The following ABCB10 variants were observed in gnomAD, a reference collection of about 807,000 sequenced individuals.
ABCB10 encodes ATP-binding cassette sub-family B member 10, mitochondrial.
Under a neutral mutation model 65.4 loss-of-function variants are expected in ABCB10, and 54 were observed. That is an observed-to-expected ratio of 0.83 (90% CI 0.66 to 1.04). ABCB10 has a LOEUF of 1.04. Ranked by LOEUF, ABCB10 falls within the 50% of genes least tolerant of loss-of-function variation. ABCB10 has a pLI of 0.00. For synonymous variants in ABCB10, 418 were observed against 406.5 expected, an observed-to-expected ratio of 1.03 and a Z score of -0.34; for missense variants, 846 against 976.6, an observed-to-expected ratio of 0.87 and a Z score of 1.78.
intron 8 of ABCB10, among the ~76,000 whole-genome samples, chr1:229,528,925 T>C (rs1056411477): frequency 1.3e-5 from 2 of 152,170 alleles, no homozygotes; most frequent in Non-Finnish European, 2.9e-5. Flanking sequence ...TAAAATCATG[T>C]GCTCTTTGCT....
intron 11 of ABCB10, among the ~76,000 whole-genome samples, chr1:229,520,251 C>T (rs1350552716): frequency 1.3e-5 from 2 of 152,052 alleles, no homozygotes; most frequent in Admixed American, 6.6e-5. Context: ...GGGTGGATCA[C>T]TTGAGGTCAG....
intron 10 of ABCB10, among the ~76,000 whole-genome samples, chr1:229,523,041 CTT>C (rs1008592644): frequency 6.6e-6 from 1 of 152,032 alleles, no homozygotes; most frequent in Non-Finnish European, 1.5e-5. Flanking sequence ...TTATGATGTT[CTT>C]TTTTTCCCCT....
At chr1:229,526,864 T>C (rs375363843) in intron 9 of ABCB10, among the ~76,000 whole-genome samples, 9 of 152,256 alleles carry the variant, frequency 5.9e-5, no homozygotes, top group East Asian at 5.8e-4. Context: ...TCCCTGAAAC[T>C]CATTATGCAG....
intron 8 of ABCB10, 102 bp from the exon 9 acceptor site, chr1:229,527,410 G>T: frequency 2.0e-6 from 2 of 1,022,268 alleles, no homozygotes; most frequent in South Asian, 1.4e-5. Flanking sequence ...ATTTTTTAAA[G>T]ATCAAAATGT....
In ABCB10 at chr1:229,518,375, T is replaced by G; in HGVS notation, c.2021A>C (p.Glu674Ala). Residue 674 changes from glutamate (E) to alanine (A), a missense_variant, in exon 13 of 13, where the codon GAA (glutamate) becomes GCA (alanine). Glu to Ala is a moderately radical substitution (Grantham distance 107). Transcript: ENST00000344517. ...TCCATCCATCAGTCGATCTAGAGCT[T>G]CTTGAACAAGGTACTCATTTTCGGC... ...LDAENEYLVQ[E>A]ALDRLMDGRT... 6.2e-7 allele frequency: 1 copy of G among 1,614,212 alleles called. No homozygotes were observed. The highest frequency in any genetic ancestry group is 2.2e-5 in the East Asian group (1 of 44,892).
chr1:229,549,298 G>C lies in ABCB10; in HGVS notation c.654C>G (p.Leu218=), dbSNP rs745871501. 2 of 1,614,182 alleles carry C rather than the reference G, an allele frequency of 1.2e-6. No individual in the cohort carries two copies. The highest frequency in any genetic ancestry group is 1.7e-6 in the Non-Finnish European group (2 of 1,180,044). ...CAGCACCACACAGAAACACGGCACT[G>C]AGCCCTAGGCAGAGGCGGGTCAGGT... The part of the protein sequence containing the change: ...SDNLTRLCLG[L]SAVFLCGAAA... The change falls in exon 2 of 13, where the codon CTC becomes CTG. Residue 218 remains leucine (L), a synonymous_variant. Coordinates refer to ENST00000344517, the MANE Select transcript of ABCB10 (RefSeq NM_012089.3).
chr1:229,521,765 G>GA, intron 10 of ABCB10, 130 bp from the exon 11 acceptor site: 1 of 801,086 alleles, frequency 1.2e-6, no homozygotes, highest in Non-Finnish European at 2.0e-6. Context: ...AGATAGACCA[G>GA]AAACCTATTT....
intron 1 of ABCB10, among the ~76,000 whole-genome samples, chr1:229,549,752 TC>T: frequency 6.7e-6 from 1 of 148,824 alleles, no homozygotes; most frequent in African/African-American, 2.4e-5. Flanking sequence ...AGCCCCTTCC[TC>T]CCCATCTCTT....
At chr1:229,557,730 T>TAAA (rs4148759) in intron 1 of ABCB10, among the ~76,000 whole-genome samples, 9 of 146,510 alleles carry the variant, frequency 6.1e-5, no homozygotes, top group East Asian at 5.9e-4. Flanking sequence ...TGTTTTTGGT[T>TAAA]AAAAAAAAAA....
intron 3 of ABCB10, among the ~76,000 whole-genome samples, chr1:229,543,130 C>CA (rs35652910): frequency 0.047 from 2,895 of 61,980 alleles, 103 homozygotes; most frequent in African/African-American, 0.15. Context: ...AACTCCATCT[C>CA]AAAAAAAAAA....
chr1:229,528,185 C>G (rs1662488739), intron 8 of ABCB10, among the ~76,000 whole-genome samples: 1 of 152,200 alleles, frequency 6.6e-6, no homozygotes, highest in Admixed American at 6.5e-5. Context: ...GACGAAAAAG[C>G]ACAAAGCTCT....
intron 6 of ABCB10, among the ~76,000 whole-genome samples, chr1:229,534,859 A>G (rs1277275017): frequency 3.3e-4 from 38 of 116,432 alleles, no homozygotes; most frequent in African/African-American, 1.2e-3. Flanking sequence ...GTGACAGAGC[A>G]AGACTCCATC....
intron 3 of ABCB10, among the ~76,000 whole-genome samples, chr1:229,546,761 G>C (rs747125980): frequency 1.3e-5 from 2 of 151,996 alleles, no homozygotes; most frequent in Non-Finnish European, 2.9e-5. Context: ...GTGTGTGCCT[G>C]TAGTCCCAGA....
At chr1:229,528,748 C>T (rs1662500798) in intron 8 of ABCB10, among the ~76,000 whole-genome samples, 1 of 150,696 alleles carries the variant, frequency 6.6e-6, no homozygotes, top group Non-Finnish European at 1.5e-5. Flanking sequence ...GGCTGGTCTC[C>T]AACTTGTGGC....
chr1:229,541,517 G>A (rs528694055), intron 4 of ABCB10, among the ~76,000 whole-genome samples: 3 of 152,246 alleles, frequency 2.0e-5, no homozygotes, highest in Admixed American at 6.5e-5. Context: ...ATGAGCCACC[G>A]CACCTGGCCA....
intron 6 of ABCB10, among the ~76,000 whole-genome samples, chr1:229,538,916 G>A (rs1197074466): frequency 6.6e-6 from 1 of 152,088 alleles, no homozygotes; most frequent in Non-Finnish European, 1.5e-5. Flanking sequence ...TCCTTTATCC[G>A]GGAATGAAAA....
chr1:229,540,544 G>T, intron 5 of ABCB10, 62 bp downstream of exon 5: 1 of 1,511,712 alleles, frequency 6.6e-7, no homozygotes, highest in Non-Finnish European at 8.9e-7. Flanking sequence ...GAGCACCACA[G>T]AATAAAACTC....
chr1:229,545,411 A>G (rs1662944014), intron 3 of ABCB10, among the ~76,000 whole-genome samples: 1 of 152,238 alleles, frequency 6.6e-6, no homozygotes, highest in Non-Finnish European at 1.5e-5. Context: ...CTTGTGAGAA[A>G]GGATTATTTA....
Position 229,558,317 on chromosome 1 carries a change from C to T in ABCB10, c.336G>A (p.Arg112=). ...CGAFAGPGAP[R]LPRARFPGGP... is the part of the protein sequence containing the mutation. ...CGCCCGGGAACCGGGCGCGCGGGAG[C>T]CGAGGAGCGCCTGGCCCGGCAAAAG... The change falls in exon 1 of 13, where the codon CGG becomes CGA. Residue 112 remains arginine, a synonymous_variant. Transcript: ENST00000344517. 8.0e-7 allele frequency: 1 copy of T among 1,247,138 alleles called. No individual in the cohort carries two copies. 77.3% of individuals were successfully genotyped at this position (1,247,138 alleles called of 1,614,324 possible). A position where few individuals can be genotyped will look rare whatever the true frequency, so the allele number is the denominator to read the frequency against.
Sources: allele counts gnomAD v4.1 joint callset (sites outside exome capture counted in the v4.1 genomes callset), GRCh38; gene constraint gnomAD v4.1.1; transcripts MANE v1.5; gene names NCBI Gene and HGNC (gene_info 2026-07-23, HGNC 2026-07-21).